Variants in CSNK1A1 observed in about 807,000 individuals in gnomAD.
CSNK1A1 encodes casein kinase 1 alpha 1, also known as casein kinase I isoform alpha.
In CSNK1A1, 7 loss-of-function variants were observed where a neutral mutation model predicts 46.1. That is an observed-to-expected ratio of 0.15 (90% CI 0.09 to 0.29). The LOEUF (loss-of-function observed/expected upper bound fraction) is 0.29. Among genes scored for constraint, CSNK1A1 ranks in the 10% least tolerant of loss-of-function variants. CSNK1A1 has a pLI of 1.00. For missense variants in CSNK1A1, 96 were observed against 417.1 expected (o/e 0.23, Z 6.71); for synonymous variants, 137 against 141.5 (o/e 0.97, Z 0.23).
chr5:149,507,182 A>T (rs771743238), intron 7 of CSNK1A1, 49 bp from the exon 8 acceptor site: 6 of 1,399,448 alleles, frequency 4.3e-6, no homozygotes, highest in Non-Finnish European at 5.9e-6. Flanking sequence ...ATTTCAAGAT[A>T]GAAAAATAAA....
intron 2 of CSNK1A1, among the ~76,000 whole-genome samples, chr5:149,540,737 T>C (rs757021787): frequency 4.0e-5 from 6 of 151,870 alleles, no homozygotes; most frequent in Non-Finnish European, 7.4e-5. Context: ...AAAAATCAAA[T>C]AGTCCTTATC....
intron 2 of CSNK1A1, among the ~76,000 whole-genome samples, chr5:149,538,932 A>G (rs1186578493): frequency 6.6e-6 from 1 of 151,938 alleles, no homozygotes; most frequent in Non-Finnish European, 1.5e-5. Context: ...CAAAAAAAAA[A>G]AAAGAAAAAG....
intron 4 of CSNK1A1, among the ~76,000 whole-genome samples, chr5:149,513,638 G>A (rs554077343): frequency 9.8e-4 from 150 of 152,290 alleles, no homozygotes; most frequent in Middle Eastern, 6.8e-3. Flanking sequence ...GGTAGCTCAC[G>A]CCTATAATCC....
At chr5:149,509,984 A>T (rs1167898811) in intron 6 of CSNK1A1, 31 bp from the exon 7 acceptor site, 1 of 1,441,700 alleles carries the variant, frequency 6.9e-7, no homozygotes, top group Admixed American at 1.9e-5. Context: ...AAAAAGATAT[A>T]CTCAGTGCTA....
intron 9 of CSNK1A1, chr5:149,504,168 T>C: frequency 2.0e-6 from 2 of 985,446 alleles, no homozygotes; most frequent in Non-Finnish European, 2.4e-6. Context: ...TTTGCTATCC[T>C]GAGTTTACAT....
At chr5:149,530,155 T>C (rs1325165030) in intron 2 of CSNK1A1, among the ~76,000 whole-genome samples, 1 of 152,190 alleles carries the variant, frequency 6.6e-6, no homozygotes, top group Non-Finnish European at 1.5e-5. Context: ...GGGGCAATCA[T>C]TATATTTGTC....
Position 149,517,963 on chromosome 5 carries a change from C to T in CSNK1A1, c.456+2327G>A, listed in dbSNP as rs1761449592. ...CCGGCGCAGACAGGCAACACCGAGGCATTAGAGAAAGAACAGGGTAGCCAA... is the reference window on the plus strand; with the variant it reads ...CCGGCGCAGACAGGCAACACCGAGGTATTAGAGAAAGAACAGGGTAGCCAA... On this transcript the variant is annotated intron_variant, in intron 4 of 9. Coordinates refer to ENST00000377843, the MANE Select transcript of CSNK1A1 (RefSeq NM_001892.6). This position sits in a 1 kb window ranked among gnomAD's most constrained non-coding sequence, Gnocchi z 4.4. 9.8e-6 allele frequency: 8 copies of T among 816,254 alleles called. No homozygotes were observed. Among genetic ancestry groups the T allele is most frequent in the East Asian group, 5.4e-5 (2 of 37,212 alleles). The allele number at this position is 816,254 out of a possible 1,614,324, so 50.6% of individuals were successfully genotyped here. A position where few individuals can be genotyped will look rare whatever the true frequency, so the allele number is the denominator to read the frequency against.
chr5:149,501,877 C>T (rs984465530), intron 9 of CSNK1A1: 29 of 971,374 alleles, frequency 3.0e-5, no homozygotes, highest in South Asian at 1.9e-4. Context: ...AAATAAATTT[C>T]GAAGTGTGTT....
chr5:149,544,719 T>G (rs892801719), intron 2 of CSNK1A1, among the ~76,000 whole-genome samples: 1 of 96,370 alleles, frequency 1.0e-5, no homozygotes, highest in Non-Finnish European at 1.9e-5. Context: ...AAAGTGAGGA[T>G]GATGAGGGTA....
chr5:149,506,163 G>A (rs536688443), intron 8 of CSNK1A1, among the ~76,000 whole-genome samples: 1 of 152,228 alleles, frequency 6.6e-6, no homozygotes, highest in East Asian at 1.9e-4. Context: ...CTGGCCTCAG[G>A]TGATCCACCC....
chr5:149,503,656 C>A, intron 9 of CSNK1A1: 1 of 985,332 alleles, frequency 1.0e-6, no homozygotes. Context: ...TTCTTTCCCC[C>A]GCCCCAATGA....
At chr5:149,540,531 T>C (rs1762196331) in intron 2 of CSNK1A1, among the ~76,000 whole-genome samples, 2 of 152,294 alleles carry the variant, frequency 1.3e-5, no homozygotes, top group Admixed American at 1.3e-4. Context: ...AATCCTATAA[T>C]GTACCTCATG....
At position 149,493,624 on chromosome 5, in the gene CSNK1A1, A is replaced by G. The variant is rs72823557; in HGVS notation, c.*3229T>C. 8 of 142,094 alleles carry G rather than the reference A, an allele frequency of 5.6e-5. No individual in the cohort carries two copies. The highest frequency in any genetic ancestry group is 1.2e-4 in the Non-Finnish European group (8 of 64,506). The allele number at this position is 142,094 out of a possible 1,614,324, so 8.8% of individuals were successfully genotyped here. On this transcript the variant is annotated 3_prime_UTR_variant, in exon 10 of 10. Transcript: ENST00000377843. ...TTGGCTGTTTCAAACATACACTGCTAAAAAAAAAAAAAGATTGTCATTAAG... is the reference window on the plus strand; with the variant it reads ...TTGGCTGTTTCAAACATACACTGCTGAAAAAAAAAAAAGATTGTCATTAAG...
chr5:149,532,646 G>A (rs1020307558), intron 2 of CSNK1A1, among the ~76,000 whole-genome samples: 2 of 151,296 alleles, frequency 1.3e-5, no homozygotes, highest in Admixed American at 6.6e-5. Flanking sequence ...CCAAGATCAC[G>A]CCATTGCACT....
At chr5:149,544,088 C>A (rs773783875) in intron 2 of CSNK1A1, among the ~76,000 whole-genome samples, 1 of 152,112 alleles carries the variant, frequency 6.6e-6, no homozygotes, top group Non-Finnish European at 1.5e-5. Flanking sequence ...AGTAGGGAAC[C>A]CTTGTTCAAA....
In CSNK1A1 at chr5:149,505,606, TAAA is replaced by T; in HGVS notation, c.858-14_858-12del. 6.2e-7 allele frequency: 1 copy of T among 1,606,404 alleles called. No homozygotes were observed. The highest frequency in any genetic ancestry group is 1.3e-5 in the African/African-American group (1 of 74,874). On this transcript the variant is annotated splice_polypyrimidine_tract_variant and intron_variant, in intron 8 of 9. Transcript: ENST00000377843. ...TGATGGTTCAGGGTCCTGGAACACA[TAAA>T]ATATTTTATGTTAATCCTTTAATAA... is the stretch of plus-strand genomic sequence containing the variant.
At chr5:149,500,498 C>CA (rs1760816849) in intron 9 of CSNK1A1, among the ~76,000 whole-genome samples, 1 of 150,424 alleles carries the variant, frequency 6.6e-6, no homozygotes, top group South Asian at 2.1e-4. Context: ...AGGATGGTCT[C>CA]AATCTCCTGA....
intron 2 of CSNK1A1, among the ~76,000 whole-genome samples, chr5:149,546,631 C>CAA (rs1184175774): frequency 2.7e-5 from 3 of 110,324 alleles, no homozygotes; most frequent in African/African-American, 6.9e-5. Context: ...GACTCCATGT[C>CAA]AAAAAAAAAA....
In CSNK1A1 at chr5:149,496,971, T is replaced by C. The variant is rs1250835268; in HGVS notation, c.1007-111A>G. The C allele has an allele frequency of 6.1e-6, 9 of 1,473,712 alleles. No individual in the cohort carries two copies. The Admixed American group carries it at 2.2e-4, about 36-fold the overall frequency. 91.3% of individuals were successfully genotyped at this position (1,473,712 alleles called of 1,614,324 possible). ...CTGAGCCAATAATTATAGTGGCTCA[T>C]GTTATTTCGTCTCTTGTGAAAAGTA... On this transcript the variant is annotated intron_variant, in intron 9 of 9. Transcript: ENST00000377843.
Sources: gnomAD v4.1 joint callset for allele counts (sites outside exome capture counted in the v4.1 genomes callset) on GRCh38, gnomAD v4.1.1 for gene constraint, Gnocchi (gnomAD v3.1) non-coding constraint, MANE v1.5 for transcripts, NCBI Gene and HGNC (gene_info 2026-07-23, HGNC 2026-07-21) for gene names.